Variants in ABTB2 observed in about 807,000 individuals in gnomAD.
The protein encoded by ABTB2 is ankyrin repeat and BTB domain containing 2.
Under a neutral mutation model 104.1 loss-of-function variants are expected in ABTB2, and 56 were observed. The observed-to-expected ratio is 0.54, with a 90% CI of 0.43 to 0.67. ABTB2 has a LOEUF of 0.67. ABTB2 is among the 30% of genes least tolerant of loss of function. The probability of loss-of-function intolerance (pLI) is 0.00; values close to 1 mark genes in which losing one functional copy is unlikely to be tolerated. For missense variants in ABTB2, 1,279 were observed against 1,407.7 expected (o/e 0.91, Z 1.46); for synonymous variants, 606 against 608.2 (o/e 1.00, Z 0.05).
intron 1 of ABTB2, among the ~76,000 whole-genome samples, chr11:34,237,511 T>G (rs1045640222): frequency 2.6e-5 from 4 of 152,196 alleles, no homozygotes; most frequent in Admixed American, 2.6e-4. Flanking sequence ...AGATTTATGA[T>G]TATGATCAGA....
At chr11:34,292,334 C>A (rs1291533299) in intron 1 of ABTB2, among the ~76,000 whole-genome samples, 2 of 152,200 alleles carry the variant, frequency 1.3e-5, no homozygotes, top group African/African-American at 4.8e-5. Flanking sequence ...CAAAGATGAT[C>A]TTTCCTACTT....
chr11:34,199,672 C>T (rs1161850484), intron 2 of ABTB2, among the ~76,000 whole-genome samples: 1 of 152,188 alleles, frequency 6.6e-6, no homozygotes, highest in Non-Finnish European at 1.5e-5. Context: ...GCTTAAGCCC[C>T]ACCCCTGGCG....
chr11:34,229,526 A>G (rs1276887509), intron 1 of ABTB2, among the ~76,000 whole-genome samples: 3 of 152,100 alleles, frequency 2.0e-5, no homozygotes, highest in African/African-American at 7.2e-5. Context: ...TTTGCTACCA[A>G]ATCGGCAGTG....
intron 1 of ABTB2, among the ~76,000 whole-genome samples, chr11:34,232,833 C>T (rs867526651): frequency 1.3e-5 from 2 of 151,886 alleles, no homozygotes; most frequent in African/African-American, 4.8e-5. Flanking sequence ...ATTAGCCAGG[C>T]GTAATGGTCC....
intron 7 of ABTB2, 62 bp downstream of exon 7, chr11:34,167,197 T>C: frequency 6.8e-7 from 1 of 1,470,052 alleles, no homozygotes; most frequent in South Asian, 1.2e-5. Flanking sequence ...GCTGGGGCTG[T>C]GCTTGGGGCC....
intron 1 of ABTB2, among the ~76,000 whole-genome samples, chr11:34,246,847 C>CT (rs199831054): frequency 0.011 from 1,326 of 118,268 alleles, 26 homozygotes; most frequent in African/African-American, 0.036. Context: ...TTTCTTTTTT[C>CT]TTTTTTTTTT....
intron 1 of ABTB2, among the ~76,000 whole-genome samples, chr11:34,227,286 GAAAA>G (rs55966959): frequency 1.4e-4 from 18 of 125,210 alleles, no homozygotes; most frequent in African/African-American, 5.1e-4. Context: ...AAAAAAAAAA[GAAAA>G]AAAAAAAAAA....
intron 2 of ABTB2, among the ~76,000 whole-genome samples, chr11:34,199,251 C>T (rs1212619710): frequency 6.6e-6 from 1 of 152,122 alleles, no homozygotes. Flanking sequence ...CAAATGACAC[C>T]CCTGGAGTTT....
At chr11:34,153,036 G>C (rs1296890759) in intron 16 of ABTB2, among the ~76,000 whole-genome samples, 1 of 151,980 alleles carries the variant, frequency 6.6e-6, no homozygotes, top group Non-Finnish European at 1.5e-5. Flanking sequence ...GGGAGAGACA[G>C]ACAGAATCTG....
chr11:34,186,226 C>A (rs2133028448), intron 3 of ABTB2, among the ~76,000 whole-genome samples: 1 of 152,368 alleles, frequency 6.6e-6, no homozygotes, highest in South Asian at 2.1e-4. Flanking sequence ...CTTAAGAGCC[C>A]TTTCCCCTCA....
In ABTB2 at chr11:34,154,329, C is replaced by T. The variant is rs759899841; in HGVS notation, c.2816G>A (p.Cys939Tyr). ...GAGGGTCTGGGAGCACAGGATCTCGCAGTGCCTCTGCAGGGCATCCAGCTG... is the reference window on the plus strand; with the variant it reads ...GAGGGTCTGGGAGCACAGGATCTCGTAGTGCCTCTGCAGGGCATCCAGCTG... ...LFQLDALQRH[C>Y]EILCSQTLSM... Residue 939 changes from cysteine to tyrosine, a missense_variant, in exon 16 of 17, where the codon TGC becomes TAC. Transcript: ENST00000435224. This position sits in a 1 kb window ranked among gnomAD's most constrained non-coding sequence, Gnocchi z 4.9. 1 of 1,613,930 alleles carries T rather than the reference C, an allele frequency of 6.2e-7. No individual in the cohort carries two copies. Among genetic ancestry groups the T allele is most frequent in the African/African-American group, 1.3e-5 (1 of 74,942 alleles).
intron 1 of ABTB2, among the ~76,000 whole-genome samples, chr11:34,263,153 C>T (rs577552032): frequency 8.5e-5 from 13 of 152,110 alleles, no homozygotes; most frequent in Admixed American, 2.0e-4. Context: ...GTTAAGGGTC[C>T]ATCTCTCAAG....
At chr11:34,328,299 T>G (rs774139247) in intron 1 of ABTB2, among the ~76,000 whole-genome samples, 2 of 152,168 alleles carry the variant, frequency 1.3e-5, no homozygotes, top group African/African-American at 2.4e-5. Flanking sequence ...CTTTTTTGAC[T>G]GTGAGAAATC....
rs184894650 is a variant in ABTB2 at position 34,191,945 on chromosome 11, C to T, written c.1244+5380G>A. On this transcript the variant is annotated intron_variant, in intron 3 of 16. Coordinates refer to ENST00000435224, the MANE Select transcript of ABTB2 (RefSeq NM_145804.3). Reference sequence around the variant, plus strand: ...TGCTCCCCTGCCTGATACAAACCATCGTGCTGATAATCATAAGAACAGATA... The same window carrying T: ...TGCTCCCCTGCCTGATACAAACCATTGTGCTGATAATCATAAGAACAGATA... Among the ~76,000 whole-genome samples the T allele has an allele frequency of 4.6e-5, 7 of 152,278 alleles. No individual in the cohort carries two copies. The East Asian group carries it at 5.8e-4, about 13-fold the overall frequency.
chr11:34,161,819 T>C (rs1295662492), intron 10 of ABTB2, among the ~76,000 whole-genome samples: 3 of 152,166 alleles, frequency 2.0e-5, no homozygotes, highest in African/African-American at 4.8e-5. Flanking sequence ...CAGCGACACA[T>C]TGACAGTAGT....
intron 1 of ABTB2, among the ~76,000 whole-genome samples, chr11:34,324,967 G>C (rs117822606): frequency 0.018 from 2,770 of 152,258 alleles, 40 homozygotes; most frequent in Non-Finnish European, 0.029. Context: ...GTGCTTTCCA[G>C]TTCTTTTTTT....
intron 1 of ABTB2, among the ~76,000 whole-genome samples, chr11:34,217,216 C>G (rs1853560289): frequency 6.6e-6 from 1 of 152,206 alleles, no homozygotes; most frequent in South Asian, 2.1e-4. Context: ...ACTGGCTCAC[C>G]CTTGAATTAT....
intron 3 of ABTB2, among the ~76,000 whole-genome samples, chr11:34,174,582 G>C (rs190477345): frequency 6.6e-6 from 1 of 152,192 alleles, no homozygotes. Context: ...CTCGGCGAGC[G>C]GCTCAGATTC....
intron 2 of ABTB2, among the ~76,000 whole-genome samples, chr11:34,201,210 A>G (rs1462084613): frequency 2.0e-5 from 3 of 152,062 alleles, no homozygotes; most frequent in Non-Finnish European, 4.4e-5. Flanking sequence ...CCTACACTCA[A>G]TGAAACCTTA....
Sources: allele counts gnomAD v4.1 joint callset (sites outside exome capture counted in the v4.1 genomes callset), GRCh38; gene constraint gnomAD v4.1.1; non-coding constraint Gnocchi (gnomAD v3.1); transcripts MANE v1.5; gene names NCBI Gene and HGNC (gene_info 2026-07-23, HGNC 2026-07-21).